RNF2: variants seen among roughly 807,000 people sequenced by gnomAD.
RNF2 encodes E3 ubiquitin-protein ligase RING2.
RNF2 carries 6 observed loss-of-function variants against 37.2 expected under a neutral mutation model. That is an observed-to-expected ratio of 0.16 (90% CI 0.09 to 0.32). The LOEUF is 0.32. Among genes scored for constraint, RNF2 ranks in the 10% least tolerant of loss-of-function variants. RNF2 has a pLI of 1.00. For synonymous variants in RNF2, 133 were observed against 132.7 expected, an observed-to-expected ratio of 1.00 and a Z score of -0.02; for missense variants, 251 against 404.0, an observed-to-expected ratio of 0.62 and a Z score of 3.25.
intron 1 of RNF2, among the ~76,000 whole-genome samples, chr1:185,066,988 A>T (rs1459463275): frequency 2.0e-5 from 3 of 152,244 alleles, no homozygotes; most frequent in African/African-American, 7.2e-5. Flanking sequence ...CAACTTAGTT[A>T]TAGAGAGTCT....
chr1:185,065,406 T>C (rs1650771096), intron 1 of RNF2, among the ~76,000 whole-genome samples: 1 of 152,258 alleles, frequency 6.6e-6, no homozygotes, highest in Admixed American at 6.5e-5. Context: ...ACTTCTATGC[T>C]GTGGAAGCTT....
chr1:185,075,618 G>A (rs1274809418), intron 1 of RNF2, among the ~76,000 whole-genome samples: 2 of 152,180 alleles, frequency 1.3e-5, no homozygotes, highest in African/African-American at 4.8e-5. Context: ...ATTCATGGTG[G>A]AAGGTGAAGG....
rs190631260 is a variant in RNF2 at position 185,073,636 on chromosome 1, A to G, written c.-2-13916A>G. 2.1e-3 allele frequency among the ~76,000 whole-genome samples: 320 copies of G among 152,312 alleles called. 1 individual carries two copies. The highest frequency in any genetic ancestry group is 7.5e-3 in the African/African-American group (313 of 41,564). ...ACCTGTGTATGTTAAAATGCATATT[A>G]TACTGTGGTTCTAAGGGCTGATGTG... On this transcript the variant is annotated intron_variant, in intron 1 of 6. Coordinates refer to ENST00000367510, the MANE Select transcript of RNF2 (RefSeq NM_007212.4).
intron 1 of RNF2, among the ~76,000 whole-genome samples, chr1:185,061,964 C>G (rs1194893315): frequency 3.3e-5 from 5 of 152,216 alleles, no homozygotes; most frequent in African/African-American, 1.2e-4. Flanking sequence ...AGAAGCAGTG[C>G]TTCTTTACCA....
intron 1 of RNF2, among the ~76,000 whole-genome samples, chr1:185,067,260 G>A (rs1333564549): frequency 2.0e-5 from 3 of 152,198 alleles, no homozygotes; most frequent in African/African-American, 7.2e-5. Flanking sequence ...AGAAATTAGC[G>A]TCTGTCTTAC....
chr1:185,091,818 C>CT (rs201420664), intron 3 of RNF2, 79 bp downstream of exon 3: 105,919 of 1,025,726 alleles, frequency 0.1, 23 homozygotes, highest in Non-Finnish European at 0.11. Flanking sequence ...AATACATTTT[C>CT]TTTTTTTTTT....
chr1:185,098,029 C>T lies in RNF2; in HGVS notation c.465-43C>T, dbSNP rs747215704. 3.8e-6 allele frequency: 6 copies of T among 1,598,754 alleles called. No individual in the cohort carries two copies. The South Asian group carries it at 5.6e-5, about 15-fold the overall frequency. On this transcript the variant is annotated intron_variant, in intron 4 of 6. Transcript: ENST00000367510. ...TGCTTCAGATTTGTTGCTTTAAAGG[C>T]CTAAAAGTAAATTTTATGCATCCTT...
At chr1:185,097,324 A>C (rs994084988) in intron 4 of RNF2, among the ~76,000 whole-genome samples, 11 of 152,190 alleles carry the variant, frequency 7.2e-5, no homozygotes, top group Non-Finnish European at 1.6e-4. Context: ...GCCTTAGCTG[A>C]CTTGGCGGAA....
At chr1:185,070,601 C>T (rs1216959855) in intron 1 of RNF2, among the ~76,000 whole-genome samples, 1 of 150,428 alleles carries the variant, frequency 6.6e-6, no homozygotes, top group Non-Finnish European at 1.5e-5. Context: ...TTATTCTTTG[C>T]TACATCTAAC....
chr1:185,077,062 T>C (rs1006108878), intron 1 of RNF2, among the ~76,000 whole-genome samples: 1 of 152,222 alleles, frequency 6.6e-6, no homozygotes, highest in African/African-American at 2.4e-5. Context: ...TAAATTTTGT[T>C]GCTATCGTGA....
intron 1 of RNF2, among the ~76,000 whole-genome samples, chr1:185,063,892 C>A (rs528741406): frequency 2.6e-5 from 4 of 152,362 alleles, no homozygotes; most frequent in Non-Finnish European, 5.9e-5. Flanking sequence ...CTGCTTCTCA[C>A]ATCACATCGC....
intron 1 of RNF2, among the ~76,000 whole-genome samples, chr1:185,075,701 C>T (rs899832152): frequency 2.6e-5 from 4 of 152,146 alleles, no homozygotes; most frequent in Admixed American, 1.3e-4. Context: ...CACTTCTAAA[C>T]AATCAGCTCT....
At chr1:185,048,073 A>G (rs1001422672) in intron 1 of RNF2, among the ~76,000 whole-genome samples, 7 of 152,018 alleles carry the variant, frequency 4.6e-5, no homozygotes, top group African/African-American at 1.7e-4. Context: ...TTTCTACCTA[A>G]TGTGTCTACT....
chr1:185,077,625 G>GGTTTT (rs1553241127), intron 1 of RNF2, among the ~76,000 whole-genome samples: 1 of 115,696 alleles, frequency 8.6e-6, no homozygotes, highest in African/African-American at 3.3e-5. Context: ...AATTAACTTT[G>GGTTTT]TTTTTTTTTT....
intron 2 of RNF2, among the ~76,000 whole-genome samples, chr1:185,089,866 C>A (rs1333263058): frequency 6.6e-6 from 1 of 151,678 alleles, no homozygotes; most frequent in African/African-American, 2.4e-5. Context: ...CCTGTCTCTA[C>A]TAAAAGTACA....
chr1:185,085,145 C>CTTTTTTTTTTTTTTTTTTT (rs71555455), intron 1 of RNF2, among the ~76,000 whole-genome samples: 1 of 103,222 alleles, frequency 9.7e-6, no homozygotes, highest in Non-Finnish European at 1.8e-5. Flanking sequence ...CTTTCTTTTT[C>CTTTTTTTTTTTTTTTTTTT]TTTTTTTTTT....
intron 1 of RNF2, among the ~76,000 whole-genome samples, chr1:185,084,031 T>A (rs553332844): frequency 3.5e-4 from 53 of 150,812 alleles, no homozygotes; most frequent in Non-Finnish European, 6.8e-4. Context: ...AACTTTAAAC[T>A]CCTGGGCTCA....
intron 1 of RNF2, among the ~76,000 whole-genome samples, chr1:185,055,974 AGTAAT>A (rs1472901902): frequency 1.3e-5 from 2 of 152,162 alleles, no homozygotes; most frequent in African/African-American, 4.8e-5. Flanking sequence ...ATAATTGTAA[AGTAAT>A]GTATGTTTTT....
chr1:185,093,108 C>A lies in RNF2; in HGVS notation c.296C>A (p.Ser99Ter). 1 of 1,613,888 alleles carries A rather than the reference C, an allele frequency of 6.2e-7. No individual in the cohort carries two copies. The highest frequency in any genetic ancestry group is 1.1e-5 in the South Asian group (1 of 91,068). The stretch of plus-strand genomic sequence containing the variant: ...CGGAAAAAACTAGTTTCCAAAAGAT[C>A]ACTAAGGCCAGACCCAAACTTTGAT... Reference protein sequence around the residue: ...TCRKKLVSKRSLRPDPNFDAL... With the variant: ...TCRKKLVSKR The change falls in exon 4 of 7, where the codon TCA becomes TAA. Residue 99 changes from serine to a stop codon, truncating the protein, a stop_gained. Transcript: ENST00000367510. LOFTEE classifies it high-confidence loss of function.
Sources: gnomAD v4.1 joint callset for allele counts (sites outside exome capture counted in the v4.1 genomes callset) on GRCh38, gnomAD v4.1.1 for gene constraint, MANE v1.5 for transcripts, NCBI Gene and HGNC (gene_info 2026-07-23, HGNC 2026-07-21) for gene names.